The following DACH1 variants were observed in gnomAD, a reference collection of about 807,000 sequenced individuals.
DACH1 encodes dachshund homolog 1.
DACH1 carries 12 observed loss-of-function variants against 54.2 expected under a neutral mutation model. That is an observed-to-expected ratio of 0.22 (90% CI 0.14 to 0.36). The LOEUF is 0.36. Ranked by LOEUF, DACH1 falls within the 10% of genes least tolerant of loss-of-function variation. DACH1 has a pLI of 1.00. For missense variants in DACH1, 805 were observed against 929.8 expected, an observed-to-expected ratio of 0.87 and a Z score of 1.75; for synonymous variants, 386 against 366.2, an observed-to-expected ratio of 1.05 and a Z score of -0.62.
intron 10 of DACH1, among the ~76,000 whole-genome samples, chr13:71,468,392 T>C (rs1263128409): frequency 6.6e-6 from 1 of 152,124 alleles, no homozygotes; most frequent in East Asian, 1.9e-4. Flanking sequence ...GGGGAAACAA[T>C]GGGGCAGAGA....
intron 1 of DACH1, among the ~76,000 whole-genome samples, chr13:71,725,093 A>T (rs1198907867): frequency 2.0e-5 from 3 of 152,286 alleles, no homozygotes; most frequent in African/African-American, 7.2e-5. Context: ...AATTCAAAAG[A>T]AAACTTGAAA....
At chr13:71,699,868 T>C (rs1882024592) in intron 1 of DACH1, among the ~76,000 whole-genome samples, 1 of 152,222 alleles carries the variant, frequency 6.6e-6, no homozygotes, top group Non-Finnish European at 1.5e-5. Context: ...GAAATTGCTA[T>C]AGTCTCACTT....
chr13:71,604,730 CA>C (rs1422850163), intron 3 of DACH1, among the ~76,000 whole-genome samples: 1 of 151,898 alleles, frequency 6.6e-6, no homozygotes, highest in Non-Finnish European at 1.5e-5. Flanking sequence ...ACCCAGGTGT[CA>C]CATGGCAATG....
At chr13:71,611,202 T>C (rs1260625505) in intron 3 of DACH1, among the ~76,000 whole-genome samples, 2 of 152,210 alleles carry the variant, frequency 1.3e-5, no homozygotes, top group Non-Finnish European at 2.9e-5. Context: ...CATGAGAGTT[T>C]TGAAACTAAG....
intron 1 of DACH1, among the ~76,000 whole-genome samples, chr13:71,838,114 T>C (rs1417725296): frequency 1.3e-5 from 2 of 150,164 alleles, no homozygotes; most frequent in Admixed American, 6.7e-5. Context: ...TAATTATTAG[T>C]GAAGAGGTGT....
intron 4 of DACH1, among the ~76,000 whole-genome samples, chr13:71,571,964 T>C (rs1042420520): frequency 6.6e-6 from 1 of 152,152 alleles, no homozygotes; most frequent in Non-Finnish European, 1.5e-5. Context: ...CTCGATCTTC[T>C]GACCTTGTGA....
chr13:71,472,598 T>G (rs1877183108), intron 10 of DACH1, among the ~76,000 whole-genome samples: 1 of 152,192 alleles, frequency 6.6e-6, no homozygotes, highest in Non-Finnish European at 1.5e-5. Flanking sequence ...AGAAAATAAT[T>G]TCAGTTATGG....
At chr13:71,637,252 C>A (rs1217900230) in intron 2 of DACH1, among the ~76,000 whole-genome samples, 1 of 152,096 alleles carries the variant, frequency 6.6e-6, no homozygotes, top group Non-Finnish European at 1.5e-5. Flanking sequence ...TCTGACCTCA[C>A]AGGTGTGTTG....
chr13:71,495,969 A>C (rs986889908), intron 6 of DACH1, among the ~76,000 whole-genome samples: 1 of 152,124 alleles, frequency 6.6e-6, no homozygotes, highest in African/African-American at 2.4e-5. Flanking sequence ...ACAGTGGCTT[A>C]CGCCTGAAAT....
intron 1 of DACH1, among the ~76,000 whole-genome samples, chr13:71,783,431 GT>G (rs375687717): frequency 6.6e-6 from 1 of 152,244 alleles, no homozygotes; most frequent in African/African-American, 2.4e-5. Flanking sequence ...CCCCGCTTAT[GT>G]TTTCCTATCA....
intron 6 of DACH1, among the ~76,000 whole-genome samples, chr13:71,524,261 C>T (rs942357049): frequency 3.3e-5 from 5 of 152,016 alleles, no homozygotes; most frequent in African/African-American, 4.8e-5. Flanking sequence ...ATCTGTATGG[C>T]AAATAATGTC....
At chr13:71,562,538 T>C (rs1447513125) in intron 4 of DACH1, among the ~76,000 whole-genome samples, 1 of 152,112 alleles carries the variant, frequency 6.6e-6, no homozygotes, top group Non-Finnish European at 1.5e-5. Flanking sequence ...AAAGATGGCA[T>C]CCAACTTTAC....
At chr13:71,831,866 C>A (rs1888603021) in intron 1 of DACH1, among the ~76,000 whole-genome samples, 1 of 151,718 alleles carries the variant, frequency 6.6e-6, no homozygotes, top group Non-Finnish European at 1.5e-5. Flanking sequence ...CCTTTGCTCC[C>A]ATCTCTTATT....
At chr13:71,633,862 TCTTA>T (rs1311158304) in intron 2 of DACH1, among the ~76,000 whole-genome samples, 1 of 152,110 alleles carries the variant, frequency 6.6e-6, no homozygotes, top group Non-Finnish European at 1.5e-5. Context: ...ATCTTTTCTT[TCTTA>T]GAGTCCTGCT....
At chr13:71,755,263 A>G (rs1885096803) in intron 1 of DACH1, among the ~76,000 whole-genome samples, 1 of 152,200 alleles carries the variant, frequency 6.6e-6, no homozygotes, top group African/African-American at 2.4e-5. Context: ...AGTTGAGGAA[A>G]AAAAGATATT....
At chr13:71,775,127 CTTTTTTTTTT>C (rs767902341) in intron 1 of DACH1, among the ~76,000 whole-genome samples, 10 of 54,028 alleles carry the variant, frequency 1.9e-4, no homozygotes, top group African/African-American at 4.6e-4. Flanking sequence ...TCAACACAAG[CTTTTTTTTTT>C]TTTTTTTTTT....
At chr13:71,609,230 A>G (rs965088894) in intron 3 of DACH1, among the ~76,000 whole-genome samples, 1 of 152,118 alleles carries the variant, frequency 6.6e-6, no homozygotes, top group African/African-American at 2.4e-5. Flanking sequence ...AGAAAAAAAA[A>G]TCCACATCAT....
intron 8 of DACH1, among the ~76,000 whole-genome samples, chr13:71,477,104 A>ATATATT (rs1566282945): frequency 1.2e-4 from 5 of 43,258 alleles, no homozygotes; most frequent in African/African-American, 4.3e-4. Flanking sequence ...ATATATATAT[A>ATATATT]TTTTTTTTTT....
At chr13:71,480,030 A>G (rs1877897460) in intron 7 of DACH1, among the ~76,000 whole-genome samples, 1 of 152,150 alleles carries the variant, frequency 6.6e-6, no homozygotes, top group South Asian at 2.1e-4. Flanking sequence ...GTATTGACAT[A>G]TATTTATTTG....
Sources: allele counts gnomAD v4.1 joint callset (sites outside exome capture counted in the v4.1 genomes callset), GRCh38; gene constraint gnomAD v4.1.1; transcripts MANE v1.5; gene names NCBI Gene and HGNC (gene_info 2026-07-23, HGNC 2026-07-21).